The following COBLL1 variants were observed in gnomAD, a reference collection of about 807,000 sequenced individuals.
COBLL1 encodes cordon-bleu WH2 repeat protein like 1.
Under a neutral mutation model 94.8 loss-of-function variants are expected in COBLL1, and 50 were observed. That is an observed-to-expected ratio of 0.53 (90% CI 0.42 to 0.67). The LOEUF is 0.67. Ranked by LOEUF, COBLL1 falls within the 30% of genes least tolerant of loss-of-function variation. The pLI is 0.00. For synonymous variants in COBLL1, 448 were observed against 473.8 expected (o/e 0.95, Z 0.71); for missense variants, 1,362 against 1,348.7 (o/e 1.01, Z -0.15).
At chr2:164,830,905 A>T (rs556237833) in intron 2 of COBLL1, among the ~76,000 whole-genome samples, 3 of 152,370 alleles carry the variant, frequency 2.0e-5, no homozygotes, top group African/African-American at 7.2e-5. Context: ...ATCAAAGTCA[A>T]ATCTCACTTT....
chr2:164,775,851 G>A (rs1231355579), intron 2 of COBLL1, among the ~76,000 whole-genome samples: 1 of 151,948 alleles, frequency 6.6e-6, no homozygotes, highest in Non-Finnish European at 1.5e-5. Context: ...CCCTACTTGG[G>A]GGTCTTACTA....
At chr2:164,749,578 G>A (rs984092245) in intron 2 of COBLL1, among the ~76,000 whole-genome samples, 6 of 152,086 alleles carry the variant, frequency 3.9e-5, no homozygotes, top group South Asian at 2.1e-4. Context: ...CTCTGTCTGG[G>A]TTTAATGAAA....
chr2:164,725,747 T>G (rs1212564353), intron 5 of COBLL1, among the ~76,000 whole-genome samples: 2 of 152,168 alleles, frequency 1.3e-5, no homozygotes, highest in African/African-American at 4.8e-5. Context: ...GAAGAAATTT[T>G]CAGGTACATG....
intron 2 of COBLL1, among the ~76,000 whole-genome samples, chr2:164,839,543 C>G (rs536243478): frequency 6.6e-6 from 1 of 152,206 alleles, no homozygotes; most frequent in Non-Finnish European, 1.5e-5. Context: ...ACCTATTTTA[C>G]TTAAAAGTCC....
At chr2:164,791,020 T>G (rs1683162170) in intron 2 of COBLL1, among the ~76,000 whole-genome samples, 1 of 152,182 alleles carries the variant, frequency 6.6e-6, no homozygotes, top group Non-Finnish European at 1.5e-5. Context: ...TCTAAATTAG[T>G]TTCCATTCTG....
intron 2 of COBLL1, among the ~76,000 whole-genome samples, chr2:164,810,431 G>T (rs1368787529): frequency 6.6e-6 from 1 of 151,224 alleles, no homozygotes; most frequent in Non-Finnish European, 1.5e-5. Context: ...CTAAATGAAT[G>T]ACATAGCAAA....
intron 13 of COBLL1, among the ~76,000 whole-genome samples, chr2:164,688,079 A>C (rs1348175409): frequency 6.6e-6 from 1 of 152,108 alleles, no homozygotes; most frequent in Admixed American, 6.5e-5. Flanking sequence ...ATATATAAAC[A>C]ATTTTAAAAA....
At chr2:164,820,522 G>C (rs2105360932) in intron 2 of COBLL1, among the ~76,000 whole-genome samples, 1 of 152,158 alleles carries the variant, frequency 6.6e-6, no homozygotes, top group South Asian at 2.1e-4. Context: ...CGCCAGGCCT[G>C]CTGTTAATTT....
chr2:164,673,573 G>A (rs1691283650), intron 1 of COBLL1, among the ~76,000 whole-genome samples: 1 of 152,140 alleles, frequency 6.6e-6, no homozygotes, highest in Admixed American at 6.5e-5. Context: ...TACTAGGGAG[G>A]TTGAGGCATG....
intron 2 of COBLL1, among the ~76,000 whole-genome samples, chr2:164,755,071 G>A (rs768355658): frequency 1.2e-4 from 19 of 152,278 alleles, no homozygotes; most frequent in Admixed American, 2.0e-4. Context: ...AGGCTGAGCC[G>A]GGAGGATCAC....
chr2:164,772,281 A>G (rs1428797119), intron 2 of COBLL1, among the ~76,000 whole-genome samples: 2 of 152,020 alleles, frequency 1.3e-5, no homozygotes, highest in African/African-American at 4.8e-5. Flanking sequence ...AAGTTTCTTT[A>G]TCAGCAAAAT....
At chr2:164,667,943 TTTC>T (rs1280817503) in intron 1 of COBLL1, among the ~76,000 whole-genome samples, 1 of 150,620 alleles carries the variant, frequency 6.6e-6, no homozygotes, top group Non-Finnish European at 1.5e-5. Context: ...CTGTCTCGGC[TTTC>T]TTTTTTTTTT....
At chr2:164,771,005 T>C (rs1289367087) in intron 2 of COBLL1, among the ~76,000 whole-genome samples, 1 of 152,106 alleles carries the variant, frequency 6.6e-6, no homozygotes, top group Non-Finnish European at 1.5e-5. Flanking sequence ...TAAAGATCAT[T>C]ATGTTCTATA....
intron 2 of COBLL1, among the ~76,000 whole-genome samples, chr2:164,803,294 G>A (rs547749065): frequency 2.0e-5 from 3 of 152,206 alleles, no homozygotes; most frequent in Admixed American, 2.0e-4. Flanking sequence ...GGCCGGGCGC[G>A]GTGGCTCACG....
intron 7 of COBLL1, among the ~76,000 whole-genome samples, chr2:164,719,169 A>T (rs936738157): frequency 1.3e-5 from 2 of 152,076 alleles, no homozygotes; most frequent in African/African-American, 4.8e-5. Context: ...ATGAAGGGAG[A>T]CTGAATGAAG....
At chr2:164,790,159 T>C (rs1233975194) in intron 2 of COBLL1, among the ~76,000 whole-genome samples, 4 of 152,204 alleles carry the variant, frequency 2.6e-5, no homozygotes, top group East Asian at 3.9e-4. Flanking sequence ...CATGTCTGCA[T>C]GGGTTTTCTC....
intron 2 of COBLL1, among the ~76,000 whole-genome samples, chr2:164,746,386 CAATAAAAT>C (rs1686859535): frequency 6.6e-6 from 1 of 152,162 alleles, no homozygotes; most frequent in African/African-American, 2.4e-5. Context: ...AAAAATAAGT[CAATAAAAT>C]AATAAAATAA....
intron 2 of COBLL1, among the ~76,000 whole-genome samples, chr2:164,755,209 C>A (rs1010657620): frequency 6.6e-6 from 1 of 152,152 alleles, no homozygotes; most frequent in African/African-American, 2.4e-5. Context: ...TTTAAAGACA[C>A]AGGTTTCCCT....
In COBLL1 at chr2:164,743,774, T is replaced by G. The variant is rs199706631; in HGVS notation, c.143A>C (p.Glu48Ala). 5.0e-6 allele frequency: 8 copies of G among 1,613,338 alleles called. No individual in the cohort carries two copies. The highest frequency in any genetic ancestry group is 6.8e-6 in the Non-Finnish European group (8 of 1,179,502). The change falls in exon 3 of 14, where the codon GAA (glutamate) becomes GCA (alanine). Residue 48 changes from glutamate (E) to alanine (A), a missense_variant. Transcript: ENST00000652658. ...DSVESTAFIM[E>A]QKENMIDKDV... ...TTTATCTATCATGTTTTCTTTCTGT[T>G]CCATGATGAAAGCAGTGGATTCTAC...
Sources: allele counts gnomAD v4.1 joint callset (sites outside exome capture counted in the v4.1 genomes callset), GRCh38; gene constraint gnomAD v4.1.1; transcripts MANE v1.5; gene names NCBI Gene and HGNC (gene_info 2026-07-23, HGNC 2026-07-21).